The following REV1 variants were observed in gnomAD, a reference collection of about 807,000 sequenced individuals.
The protein encoded by REV1 is translesion synthesis protein REV1.
In REV1, 42 loss-of-function variants were observed where a neutral mutation model predicts 137.4. The ratio of observed to expected loss-of-function variants is 0.31; its 90% confidence interval spans 0.24 to 0.40. The LOEUF (loss-of-function observed/expected upper bound fraction) is 0.40, where lower values mean the gene tolerates loss of function less well. Among genes scored for constraint, REV1 ranks in the 10% least tolerant of loss-of-function variants. The pLI is 1.00. For missense variants in REV1, 1,282 were observed against 1,490.1 expected, an observed-to-expected ratio of 0.86 and a Z score of 2.30; for synonymous variants, 524 against 519.2, an observed-to-expected ratio of 1.01 and a Z score of -0.12.
intron 1 of REV1, among the ~76,000 whole-genome samples, chr2:99,486,723 C>CT (rs1194621690): frequency 6.6e-6 from 1 of 152,158 alleles, no homozygotes; most frequent in Non-Finnish European, 1.5e-5. Flanking sequence ...CCCTAGCTGT[C>CT]TGATTCCAGA....
chr2:99,459,688 A>G (rs1374904286), intron 3 of REV1, among the ~76,000 whole-genome samples: 1 of 152,198 alleles, frequency 6.6e-6, no homozygotes, highest in Non-Finnish European at 1.5e-5. Flanking sequence ...CCTGGGTGAC[A>G]GAGGGAGACC....
intron 1 of REV1, among the ~76,000 whole-genome samples, chr2:99,479,172 A>T (rs1334355201): frequency 6.6e-6 from 1 of 151,800 alleles, no homozygotes; most frequent in Non-Finnish European, 1.5e-5. Flanking sequence ...TACTAAAAAT[A>T]AAAAAATTAG....
chr2:99,411,868 G>A (rs1156267494), intron 13 of REV1, among the ~76,000 whole-genome samples: 1 of 152,030 alleles, frequency 6.6e-6, no homozygotes, highest in Non-Finnish European at 1.5e-5. Flanking sequence ...GGTCCACAGT[G>A]TAGGCACAGA....
chr2:99,468,784 TACCC>T, intron 1 of REV1, among the ~76,000 whole-genome samples: 1 of 152,208 alleles, frequency 6.6e-6, no homozygotes, highest in Non-Finnish European at 1.5e-5. Flanking sequence ...AAAGTACCCT[TACCC>T]TTAACATTTA....
At chr2:99,406,274 T>C (rs760291718) in intron 16 of REV1, 51 bp downstream of exon 16, 1 of 1,531,090 alleles carries the variant, frequency 6.5e-7, no homozygotes, top group South Asian at 1.3e-5. Flanking sequence ...CTGCCGTCTT[T>C]CCAAGGACAT....
At chr2:99,437,801 T>TA (rs1250376555) in intron 6 of REV1, among the ~76,000 whole-genome samples, 1 of 152,112 alleles carries the variant, frequency 6.6e-6, no homozygotes, top group Non-Finnish European at 1.5e-5. Context: ...ATTTCATAAA[T>TA]ACCAAAAAGC....
intron 14 of REV1, among the ~76,000 whole-genome samples, chr2:99,409,818 G>A (rs1363871151): frequency 4.7e-5 from 7 of 148,330 alleles, no homozygotes; most frequent in Middle Eastern, 3.2e-3. Flanking sequence ...CCTCAGGCCT[G>A]GGTGACAGAG....
At chr2:99,411,708 C>A (rs1319725869) in intron 13 of REV1, among the ~76,000 whole-genome samples, 1 of 150,826 alleles carries the variant, frequency 6.6e-6, no homozygotes, top group Non-Finnish European at 1.5e-5. Flanking sequence ...CGCATAGGGC[C>A]CCTTTCTTTC....
intron 2 of REV1, among the ~76,000 whole-genome samples, chr2:99,464,457 A>T (rs1684585786): frequency 6.6e-6 from 1 of 152,234 alleles, no homozygotes; most frequent in African/African-American, 2.4e-5. Flanking sequence ...TTATTTCCAT[A>T]ACTCAGAGCA....
chr2:99,421,361 G>C (rs1176562151), intron 11 of REV1, 138 bp downstream of exon 11: 1 of 634,820 alleles, frequency 1.6e-6, no homozygotes. Flanking sequence ...TATCTCGTGT[G>C]TCACACAATT....
chr2:99,404,176 T>C (rs892858498), intron 18 of REV1, among the ~76,000 whole-genome samples: 9 of 152,170 alleles, frequency 5.9e-5, no homozygotes, highest in Admixed American at 3.9e-4. Flanking sequence ...AGTGTGGCCA[T>C]TGATGTGTTT....
intron 12 of REV1, among the ~76,000 whole-genome samples, chr2:99,416,912 C>CAAAAAAAAAAAA (rs755184253): frequency 1.0e-4 from 8 of 77,834 alleles, no homozygotes; most frequent in African/African-American, 2.4e-4. Flanking sequence ...GACTCCATCT[C>CAAAAAAAAAAAA]AAAAAAAAAA....
intron 2 of REV1, among the ~76,000 whole-genome samples, chr2:99,463,932 T>C (rs1371191050): frequency 6.6e-6 from 1 of 152,122 alleles, no homozygotes. Context: ...CCTCAGAGCA[T>C]ATTTTAGACT....
At chr2:99,427,514 T>A (rs1276019934) in intron 9 of REV1, among the ~76,000 whole-genome samples, 2 of 152,192 alleles carry the variant, frequency 1.3e-5, no homozygotes, top group East Asian at 3.9e-4. Context: ...GCTGGCCCCA[T>A]TATTAAGCTA....
chr2:99,489,557 G>A (rs1385650769), intron 1 of REV1, among the ~76,000 whole-genome samples: 2 of 148,406 alleles, frequency 1.3e-5, no homozygotes, highest in East Asian at 2.0e-4. Flanking sequence ...GGGGCCGGCC[G>A]CGCCATGACG....
At chr2:99,402,536 CAG>C (rs1675616825) in intron 21 of REV1, 106 bp downstream of exon 21, 1 of 1,154,096 alleles carries the variant, frequency 8.7e-7, no homozygotes, top group African/African-American at 1.5e-5. Context: ...TTAAGCTTAT[CAG>C]AGTTAGAGAA....
At position 99,439,263 on chromosome 2, in the gene REV1, T is replaced by C. The variant is rs374255141; in HGVS notation, c.551A>G (p.Asn184Ser). 35 of 1,613,876 alleles carry C rather than the reference T, an allele frequency of 2.2e-5. No individual in the cohort carries two copies. The highest frequency in any genetic ancestry group is 8.9e-5 in the East Asian group (4 of 44,886). The change falls in exon 6 of 23, where the codon AAT (asparagine) becomes AGT (serine). Residue 184 changes from asparagine (N) to serine (S), a missense_variant. By Grantham distance (46) the Asn-to-Ser change is conservative. Transcript: ENST00000258428. Reference sequence around the variant, plus strand: ...TTCTTCATTCCAACTGTTCATGCCATTGACTTTGACTTCATTTTCCGTTTC... The same window carrying C: ...TTCTTCATTCCAACTGTTCATGCCACTGACTTTGACTTCATTTTCCGTTTC... ...KIETENEVKV[N>S]GMNSWNEEDE...
intron 9 of REV1, among the ~76,000 whole-genome samples, chr2:99,427,781 T>TC (rs1679576499): frequency 6.6e-6 from 1 of 152,196 alleles, no homozygotes; most frequent in South Asian, 2.1e-4. Context: ...ATTTTTTTTT[T>TC]CTTCAAGTTA....
chr2:99,489,845 C>G lies in REV1; in HGVS notation c.-39G>C, dbSNP rs1448370477. 6.7e-6 allele frequency: 1 copy of G among 149,788 alleles called. No individual in the cohort carries two copies. The highest frequency in any genetic ancestry group is 1.5e-5 in the Non-Finnish European group (1 of 67,104). 9.3% of individuals were successfully genotyped at this position (149,788 alleles called of 1,614,324 possible). ...CCGCGTTGCCCCAGACCACCATGCC[C>G]GGGCCCGGCGGCCTTCTCCGGCCTT... is the stretch of plus-strand genomic sequence containing the variant. On this transcript the variant is annotated 5_prime_UTR_variant, in exon 1 of 23. Coordinates refer to ENST00000258428, the MANE Select transcript of REV1 (RefSeq NM_016316.4).
Sources: allele counts gnomAD v4.1 joint callset (sites outside exome capture counted in the v4.1 genomes callset), GRCh38; gene constraint gnomAD v4.1.1; transcripts MANE v1.5; gene names NCBI Gene and HGNC (gene_info 2026-07-23, HGNC 2026-07-21).